The following CARD8 variants were observed in gnomAD, a reference collection of about 807,000 sequenced individuals.
CARD8 encodes caspase recruitment domain-containing protein 8.
CARD8 carries 38 observed loss-of-function variants against 53.2 expected under a neutral mutation model. The ratio of observed to expected loss-of-function variants is 0.71; its 90% CI spans 0.55 to 0.94. CARD8 has a LOEUF of 0.94. CARD8 is among the 40% of genes least tolerant of loss of function. CARD8 has a pLI of 0.00. For synonymous variants in CARD8, 245 were observed against 244.9 expected (o/e 1.00, Z 0.00); for missense variants, 561 against 655.5 (o/e 0.86, Z 1.57).
At chr19:48,207,020 T>G (rs567768914), downstream of CARD8, among the ~76,000 whole-genome samples, 13 of 151,828 alleles carry the variant, frequency 8.6e-5, no homozygotes, top group Admixed American at 6.6e-4. Context: ...ATACAAAAAT[T>G]AGCTGGGCGT....
intron 4 of CARD8, among the ~76,000 whole-genome samples, chr19:48,239,238 T>A (rs1416415194): frequency 1.3e-5 from 2 of 152,192 alleles, no homozygotes; most frequent in Non-Finnish European, 2.9e-5. Flanking sequence ...TTCACAGACA[T>A]CACTCAGCAG....
chr19:48,217,258 G>A (rs569307306), intron 12 of CARD8, among the ~76,000 whole-genome samples: 2 of 152,222 alleles, frequency 1.3e-5, no homozygotes, highest in African/African-American at 4.8e-5. Flanking sequence ...CCTAGCCCGG[G>A]GGTTGGGGAC....
intron 1 of CARD8, among the ~76,000 whole-genome samples, chr19:48,253,561 G>A (rs1395588484): frequency 6.6e-6 from 1 of 152,076 alleles, no homozygotes; most frequent in Non-Finnish European, 1.5e-5. Context: ...CCATCTTACA[G>A]GGGATAAACC....
At chr19:48,239,479 T>A (rs918919379) in intron 4 of CARD8, among the ~76,000 whole-genome samples, 4 of 150,412 alleles carry the variant, frequency 2.7e-5, no homozygotes, top group African/African-American at 9.8e-5. Context: ...AGACTTTTTT[T>A]TTTTTTTTTT....
Position 48,248,933 on chromosome 19 carries a change from C to G in CARD8, c.-44+590G>C, listed in dbSNP as rs1425869444. Among the ~76,000 whole-genome samples the G allele has an allele frequency of 2.0e-5, 3 of 152,176 alleles. No individual in the cohort carries two copies. In the East Asian group the frequency reaches 5.8e-4, roughly 29 times the overall value. Reference sequence around the variant, plus strand: ...TACTATTGGGCCGGGCACGGTGGCTCACGCCTGTAATCCCAACACTTTGGG... The same window carrying G: ...TACTATTGGGCCGGGCACGGTGGCTGACGCCTGTAATCCCAACACTTTGGG... On this transcript the variant is annotated intron_variant, in intron 3 of 13. Coordinates refer to ENST00000651546, the MANE Select transcript of CARD8 (RefSeq NM_001184900.3).
intron 10 of CARD8, among the ~76,000 whole-genome samples, chr19:48,227,888 C>A (rs903211195): frequency 4.6e-5 from 7 of 152,078 alleles, no homozygotes; most frequent in African/African-American, 1.7e-4. Context: ...CAGAGATCCC[C>A]AACACCCGGG....
intron 10 of CARD8, among the ~76,000 whole-genome samples, chr19:48,224,430 T>C (rs1412813378): frequency 6.6e-6 from 1 of 151,870 alleles, no homozygotes; most frequent in Admixed American, 6.6e-5. Context: ...TGTATGTGTA[T>C]TAATATGTGT....
Position 48,246,328 on chromosome 19 carries a change from T to C in CARD8, c.-44+3195A>G, listed in dbSNP as rs2046101963. Among the ~76,000 whole-genome samples, 4 of 152,306 alleles carry C rather than the reference T, an allele frequency of 2.6e-5. No homozygotes were observed. The South Asian group carries it at 8.3e-4, about 32-fold the overall frequency. ...CACAATTTGTTCCAATGTTATCCTA[T>C]ATACTCCTGCCCCAGCCCTGGAAGT... On this transcript the variant is annotated intron_variant, in intron 3 of 13. Transcript: ENST00000651546.
At chr19:48,215,423 A>C in intron 12 of CARD8, 39 bp from the exon 13 acceptor site, 1 of 1,389,154 alleles carries the variant, frequency 7.2e-7, no homozygotes, top group Non-Finnish European at 1.0e-6. Context: ...AGATGAGATA[A>C]ATCATGTACC....
At chr19:48,217,237 C>A (rs747720210) in intron 12 of CARD8, among the ~76,000 whole-genome samples, 12 of 152,192 alleles carry the variant, frequency 7.9e-5, no homozygotes, top group Admixed American at 3.3e-4. Flanking sequence ...GGCCACAGAC[C>A]GGTACCAGTC....
intron 1 of CARD8, among the ~76,000 whole-genome samples, chr19:48,254,587 T>C (rs759527433): frequency 5.3e-5 from 8 of 152,052 alleles, no homozygotes; most frequent in Non-Finnish European, 7.4e-5. Context: ...CCGTCTCTAC[T>C]AAAAACACAA....
chr19:48,220,989 G>A (rs139623643), intron 11 of CARD8, among the ~76,000 whole-genome samples: 5,346 of 93,078 alleles, frequency 0.057, 142 homozygotes, highest in African/African-American at 0.11. Context: ...AAGGAAGGAA[G>A]GAAGGAAAGA....
At chr19:48,205,738 C>G (rs1344262121), downstream of CARD8, among the ~76,000 whole-genome samples, 1 of 151,964 alleles carries the variant, frequency 6.6e-6, no homozygotes, top group Non-Finnish European at 1.5e-5. Context: ...ACAATCGGGC[C>G]CCAGAGTCTG....
At chr19:48,214,348 C>A (rs1345904838) in intron 13 of CARD8, among the ~76,000 whole-genome samples, 4 of 152,184 alleles carry the variant, frequency 2.6e-5, no homozygotes, top group African/African-American at 9.7e-5. Context: ...GCAGCCGGCA[C>A]CAGGGAAAGG....
At chr19:48,254,247 AAACT>A (rs748054950) in intron 1 of CARD8, among the ~76,000 whole-genome samples, 50 of 152,148 alleles carry the variant, frequency 3.3e-4, no homozygotes, top group African/African-American at 7.2e-4. Context: ...AATAATAAAT[AAACT>A]AACTAAGTAA....
chr19:48,230,242 C>A (rs2042592079), intron 10 of CARD8, among the ~76,000 whole-genome samples, 196 bp downstream of exon 10: 1 of 152,156 alleles, frequency 6.6e-6, no homozygotes, highest in South Asian at 2.1e-4. Context: ...AGCACTGAAT[C>A]ACTACTGAAG....
chr19:48,246,430 T>C (rs941696258), intron 3 of CARD8, among the ~76,000 whole-genome samples: 3 of 152,136 alleles, frequency 2.0e-5, no homozygotes, highest in African/African-American at 7.2e-5. Flanking sequence ...AAACTATGTG[T>C]GTTTACAGCT....
intron 11 of CARD8, 56 bp downstream of exon 11, chr19:48,221,674 T>C (rs978778071): frequency 7.5e-7 from 1 of 1,330,986 alleles, no homozygotes; most frequent in Non-Finnish European, 1.0e-6. Flanking sequence ...CTTCCATTTG[T>C]TTCAGAAATA....
intron 5 of CARD8, among the ~76,000 whole-genome samples, chr19:48,237,508 T>C (rs1318187214): frequency 6.6e-6 from 1 of 151,932 alleles, no homozygotes; most frequent in African/African-American, 2.4e-5. Context: ...TTACAGGAAG[T>C]ATTATCGGCT....
Sources: gnomAD v4.1 joint callset for allele counts (sites outside exome capture counted in the v4.1 genomes callset) on GRCh38, gnomAD v4.1.1 for gene constraint, MANE v1.5 for transcripts, NCBI Gene and HGNC (gene_info 2026-07-23, HGNC 2026-07-21) for gene names.